Variants in C7 observed in about 807,000 individuals in gnomAD.
C7 encodes the protein complement C7, also known as complement component C7.
A neutral mutation model predicts 104.8 loss-of-function variants in C7; 83 were observed. The observed-to-expected ratio is 0.79, with a 90% CI of 0.66 to 0.95. The LOEUF (loss-of-function observed/expected upper bound fraction) is 0.95. Among genes scored for constraint, C7 ranks in the 40% least tolerant of loss-of-function variants. The probability of loss-of-function intolerance (pLI) is 0.00; values close to 1 mark genes in which losing one functional copy is unlikely to be tolerated. For synonymous variants in C7, 415 were observed against 360.6 expected, an observed-to-expected ratio of 1.15 and a Z score of -1.71; for missense variants, 1,070 against 1,011.2, an observed-to-expected ratio of 1.06 and a Z score of -0.79.
chr5:40,926,519 T>A (rs1252208972), intron 1 of C7, among the ~76,000 whole-genome samples: 3 of 152,176 alleles, frequency 2.0e-5, no homozygotes, highest in Admixed American at 2.0e-4. Context: ...TAGAAAACCC[T>A]ACAGACTCCA....
chr5:40,941,188 C>T (rs1459679925), intron 6 of C7, among the ~76,000 whole-genome samples: 2 of 151,926 alleles, frequency 1.3e-5, no homozygotes, highest in South Asian at 2.1e-4. Flanking sequence ...CTCGGCCTAC[C>T]GAGTAGCTGG....
intron 14 of C7, among the ~76,000 whole-genome samples, chr5:40,971,691 G>T (rs1740700065): frequency 1.3e-5 from 2 of 152,174 alleles, no homozygotes; most frequent in African/African-American, 2.4e-5. Flanking sequence ...TATTGCATAG[G>T]TTTTCTTCTA....
At chr5:40,971,443 C>G (rs1740695948) in intron 14 of C7, among the ~76,000 whole-genome samples, 2 of 151,912 alleles carry the variant, frequency 1.3e-5, no homozygotes, top group Non-Finnish European at 2.9e-5. Flanking sequence ...GCTTGTTTTT[C>G]TGTTGTAAAT....
intron 4 of C7, among the ~76,000 whole-genome samples, chr5:40,934,730 A>C (rs10512751): frequency 0.13 from 19,209 of 152,182 alleles, 1,465 homozygotes; most frequent in Non-Finnish European, 0.17. Context: ...AGACCCAAAA[A>C]GTTCTTGACA....
chr5:40,966,975 A>G (rs747020425), intron 14 of C7, among the ~76,000 whole-genome samples: 2 of 152,210 alleles, frequency 1.3e-5, no homozygotes, highest in Non-Finnish European at 2.9e-5. Flanking sequence ...GTTCTTTGAA[A>G]AGATTAATAA....
At chr5:40,912,122 A>G (rs10462013) in intron 1 of C7, among the ~76,000 whole-genome samples, 2,628 of 152,162 alleles carry the variant, frequency 0.017, 35 homozygotes, top group Non-Finnish European at 0.022. Context: ...CATTCACATG[A>G]TTTATTTGTG....
chr5:40,930,143 A>G (rs1739646835), intron 2 of C7, among the ~76,000 whole-genome samples: 1 of 151,090 alleles, frequency 6.6e-6, no homozygotes, highest in African/African-American at 2.4e-5. Context: ...TTGTACTATG[A>G]TTATTTGTTT....
At chr5:40,979,439 T>C (rs1740889904) in intron 16 of C7, among the ~76,000 whole-genome samples, 1 of 152,196 alleles carries the variant, frequency 6.6e-6, no homozygotes, top group African/African-American at 2.4e-5. Context: ...TCTTCTCATC[T>C]AATTTGCTGT....
intron 8 of C7, 120 bp from the exon 9 acceptor site, chr5:40,949,783 AT>A: frequency 1.5e-6 from 1 of 667,318 alleles, no homozygotes; most frequent in South Asian, 1.8e-5. Context: ...TGTTCATATC[AT>A]GTCACTCTTG....
intron 3 of C7, among the ~76,000 whole-genome samples, chr5:40,932,980 A>T (rs1020489363): frequency 6.6e-6 from 1 of 152,178 alleles, no homozygotes; most frequent in East Asian, 1.9e-4. Flanking sequence ...GAAGAAAAAC[A>T]CTTTCTTATG....
At chr5:40,940,971 T>C (rs915460299) in intron 6 of C7, among the ~76,000 whole-genome samples, 2 of 152,074 alleles carry the variant, frequency 1.3e-5, no homozygotes, top group African/African-American at 4.8e-5. Context: ...AATATCTCTA[T>C]ATCTATATGT....
chr5:40,977,578 C>G (rs575176489), intron 16 of C7, among the ~76,000 whole-genome samples: 6 of 152,112 alleles, frequency 3.9e-5, no homozygotes, highest in Admixed American at 6.5e-5. Flanking sequence ...GGAGCTGACA[C>G]TCTCATTTTA....
At chr5:40,969,167 C>A (rs1215873989) in intron 14 of C7, among the ~76,000 whole-genome samples, 2 of 151,964 alleles carry the variant, frequency 1.3e-5, no homozygotes, top group Admixed American at 6.6e-5. Flanking sequence ...AAATTTTTCA[C>A]TTAAAATATA....
At chr5:40,940,623 G>A (rs1739915711) in intron 6 of C7, among the ~76,000 whole-genome samples, 2 of 152,220 alleles carry the variant, frequency 1.3e-5, no homozygotes, top group African/African-American at 4.8e-5. Context: ...CTGTTGGTAT[G>A]AGGACTAGAT....
intron 9 of C7, among the ~76,000 whole-genome samples, chr5:40,950,757 G>A (rs1740150301): frequency 6.6e-6 from 1 of 152,180 alleles, no homozygotes; most frequent in Admixed American, 6.5e-5. Context: ...GCCTAGACAA[G>A]TGACAATATC....
rs201726618 is a variant in C7, at chr5:40,964,856, G to A, written c.1865G>A (p.Gly622Glu). The change falls in exon 14 of 18, where the codon GGG becomes GAG. Residue 622 changes from glycine (G) to glutamate (E), a missense_variant. Physicochemically the swap from Gly to Glu is moderately conservative, Grantham distance 98. Transcript: ENST00000313164. Reference sequence around the variant, plus strand: ...GGAGAAGATTTACGGTGGCTTGTTGGGGAAATGCATTGTCAGAGTGAGTGG... The same window carrying A: ...GGAGAAGATTTACGGTGGCTTGTTGAGGAAATGCATTGTCAGAGTGAGTGG... The part of the protein sequence containing the change: ...RCGEDLRWLV[G>E]EMHCQKIACV... 1.2e-6 allele frequency: 2 copies of A among 1,613,622 alleles called. No individual in the cohort carries two copies. The highest frequency in any genetic ancestry group is 2.7e-5 in the African/African-American group (2 of 75,016).
At chr5:40,962,402 G>A (rs540575871) in intron 13 of C7, among the ~76,000 whole-genome samples, 1 of 152,264 alleles carries the variant, frequency 6.6e-6, no homozygotes, top group South Asian at 2.1e-4. Flanking sequence ...AATCAACACT[G>A]CCACCCAGTG....
In C7 at chr5:40,958,255, C is replaced by A; in HGVS notation, c.1483C>A (p.Gln495Lys). The change falls in exon 11 of 18, where the codon CAA (glutamine) becomes AAA (lysine). Residue 495 changes from glutamine to lysine, a missense_variant. By Grantham distance (53) the Gln-to-Lys change is moderately conservative. Transcript: ENST00000313164. ...ACEQGVLVGN[Q>K]AGGVDGGWSC... ...TGAGCAAGGAGTCCTCGTAGGGAAT[C>A]AAGCAGGTCAGTGGGGTGAATTTTC... The A allele has an allele frequency of 1.3e-6, 2 of 1,596,890 alleles. No homozygotes were observed. The highest frequency in any genetic ancestry group is 1.1e-5 in the South Asian group (1 of 87,704).
In C7 at chr5:40,945,279, T is replaced by A. The variant is rs763798109; in HGVS notation, c.649T>A (p.Ser217Thr). 3.9e-5 allele frequency: 62 copies of A among 1,601,640 alleles called. No homozygotes were observed. Among genetic ancestry groups the A allele is most frequent in the Middle Eastern group, 1.6e-4 (1 of 6,064 alleles). Residue 217 changes from serine (S) to threonine (T), a missense_variant, in exon 7 of 18, where the codon TCA (serine) becomes ACA (threonine). Coordinates refer to ENST00000313164, the MANE Select transcript of C7 (RefSeq NM_000587.4). ...YVKHTSTEHTSSSRKRSFFRS... is the reference protein window; with the variant it reads ...YVKHTSTEHTTSSRKRSFFRS... ...AAAACATACGTCGACAGAACACACA[T>A]CATCTAGTCGGAAGCGCTCCTTTTT...
Sources: gnomAD v4.1 joint callset for allele counts (sites outside exome capture counted in the v4.1 genomes callset) on GRCh38, gnomAD v4.1.1 for gene constraint, MANE v1.5 for transcripts, NCBI Gene and HGNC (gene_info 2026-07-23, HGNC 2026-07-21) for gene names.